The following IL1RAPL2 variants were observed in gnomAD, a reference collection of about 807,000 sequenced individuals.
The protein encoded by IL1RAPL2 is X-linked interleukin-1 receptor accessory protein-like 2.
Under a neutral mutation model 44.1 loss-of-function variants are expected in IL1RAPL2, and 3 were observed. That is an observed-to-expected ratio of 0.07 (90% CI 0.03 to 0.18). The LOEUF (loss-of-function observed/expected upper bound fraction) is 0.18, where lower values mean the gene tolerates loss of function less well. IL1RAPL2 is among the 10% of genes least tolerant of loss of function. The pLI is 1.00. For synonymous variants in IL1RAPL2, 181 were observed against 178.8 expected, an observed-to-expected ratio of 1.01 and a Z score of -0.10; for missense variants, 391 against 496.4, an observed-to-expected ratio of 0.79 and a Z score of 2.02.
intron 2 of IL1RAPL2, among the ~76,000 whole-genome samples, chrX:105,103,094 C>T (rs2032691371): frequency 9.0e-6 from 1 of 111,464 alleles, no homozygotes; most frequent in Admixed American, 9.5e-5. Context: ...GGAACAGTGC[C>T]CAGAATGAGG....
chrX:105,356,150 ATG>A (rs1158634841), intron 5 of IL1RAPL2, among the ~76,000 whole-genome samples: 1 of 100,085 alleles, frequency 1.0e-5, no homozygotes, highest in Non-Finnish European at 1.9e-5. Context: ...GTGTGTGTGT[ATG>A]TGTGTGTGTA....
chrX:105,181,235 G>A lies in IL1RAPL2; in HGVS notation c.83-14240G>A, dbSNP rs377562339. Among the ~76,000 whole-genome samples, 7 of 111,352 alleles carry A rather than the reference G, an allele frequency of 6.3e-5. 2 individuals are homozygous for A. Among genetic ancestry groups the A allele is most frequent in the Admixed American group, 2.9e-4 (3 of 10,521 alleles). On this transcript the variant is annotated intron_variant, in intron 2 of 10. Transcript: ENST00000372582. Reference sequence around the variant, plus strand: ...TCTCTTCTTGGTTAGTATAGCTAGTGGTTTATCAATTTTGTTTATCTTTTC... The same window carrying A: ...TCTCTTCTTGGTTAGTATAGCTAGTAGTTTATCAATTTTGTTTATCTTTTC...
In IL1RAPL2 at chrX:104,979,155, T is replaced by C. The variant is rs1171453038; in HGVS notation, c.83-216320T>C. The stretch of plus-strand genomic sequence containing the variant: ...GGAAGACAGGTCAAAGCAACAGTTT[T>C]TTCATTCTAGAAATAGACTCAAACA... On this transcript the variant is annotated intron_variant, in intron 2 of 10. Coordinates refer to ENST00000372582, the MANE Select transcript of IL1RAPL2 (RefSeq NM_017416.2). 1.7e-4 allele frequency among the ~76,000 whole-genome samples: 19 copies of C among 111,584 alleles called. No individual in the cohort carries two copies. In the Admixed American group the frequency reaches 1.8e-3, roughly 11 times the overall value.
chrX:105,136,317 C>T (rs2033076182), intron 2 of IL1RAPL2, among the ~76,000 whole-genome samples: 1 of 111,977 alleles, frequency 8.9e-6, no homozygotes, highest in South Asian at 3.7e-4. Flanking sequence ...TAGATTTTCT[C>T]TGGTATTAAT....
chrX:104,970,119 A>T (rs1288407316), intron 2 of IL1RAPL2, among the ~76,000 whole-genome samples: 1 of 111,445 alleles, frequency 9.0e-6, no homozygotes, highest in Non-Finnish European at 1.9e-5. Flanking sequence ...TATCTGTAAG[A>T]TATATAGAAC....
chrX:104,714,313 G>C (rs1437425250), intron 2 of IL1RAPL2, among the ~76,000 whole-genome samples: 1 of 111,049 alleles, frequency 9.0e-6, no homozygotes, highest in Admixed American at 9.5e-5. Context: ...TTGGCTCTGT[G>C]TCCCCACACA....
At chrX:105,138,564 C>T (rs1260921376) in intron 2 of IL1RAPL2, among the ~76,000 whole-genome samples, 1 of 107,873 alleles carries the variant, frequency 9.3e-6, no homozygotes, top group Non-Finnish European at 1.9e-5. Context: ...GAAGAAAGAA[C>T]TCCTTTGGGG....
At chrX:105,453,339 C>T (rs1251256468) in intron 5 of IL1RAPL2, among the ~76,000 whole-genome samples, 1 of 112,224 alleles carries the variant, frequency 8.9e-6, no homozygotes, top group African/African-American at 3.2e-5. Flanking sequence ...TGCAAGGCTA[C>T]ATTTGTCCAG....
intron 2 of IL1RAPL2, among the ~76,000 whole-genome samples, chrX:104,686,909 C>A (rs1437963436): frequency 8.9e-6 from 1 of 112,203 alleles, no homozygotes; most frequent in Non-Finnish European, 1.9e-5. Context: ...CTAACAACAG[C>A]TACAACTAAT....
intron 2 of IL1RAPL2, among the ~76,000 whole-genome samples, chrX:104,844,484 A>G (rs780663022): frequency 1.3e-4 from 14 of 111,570 alleles, no homozygotes; most frequent in Non-Finnish European, 2.3e-4. Flanking sequence ...AAAGAAATAT[A>G]GTAGGCAGTA....
Position 104,832,718 on chromosome X carries a change from G to GA in IL1RAPL2, c.82+173729dup, listed in dbSNP as rs1437368986. Among the ~76,000 whole-genome samples, 4 of 111,617 alleles carry GA rather than the reference G, an allele frequency of 3.6e-5. No homozygotes were observed. The East Asian group carries it at 8.5e-4, about 24-fold the overall frequency. ...AAGAATTTCTTCTTGAGGTTCACCA[G>GA]AAAAAAGGACAGTTTTCCCTTTCCT... On this transcript the variant is annotated intron_variant, in intron 2 of 10. Coordinates refer to ENST00000372582, the MANE Select transcript of IL1RAPL2 (RefSeq NM_017416.2).
intron 2 of IL1RAPL2, among the ~76,000 whole-genome samples, chrX:105,188,179 G>A (rs1265133376): frequency 2.7e-5 from 3 of 111,256 alleles, no homozygotes. Flanking sequence ...AGAAGAGAAA[G>A]TCAAGATTCA....
chrX:105,273,933 A>G (rs925105985), intron 5 of IL1RAPL2, among the ~76,000 whole-genome samples: 1 of 111,735 alleles, frequency 8.9e-6, no homozygotes, highest in African/African-American at 3.3e-5. Flanking sequence ...AGGTGAAATG[A>G]TGTACCCAAA....
At chrX:105,686,025 G>A (rs1455005745) in intron 6 of IL1RAPL2, among the ~76,000 whole-genome samples, 1 of 111,201 alleles carries the variant, frequency 9.0e-6, no homozygotes, top group East Asian at 2.8e-4. Context: ...TCACCACCAG[G>A]CCTGCCTTAC....
At chrX:105,503,606 C>T (rs1164983295) in intron 6 of IL1RAPL2, among the ~76,000 whole-genome samples, 1 of 111,710 alleles carries the variant, frequency 9.0e-6, no homozygotes, top group Non-Finnish European at 1.9e-5. Flanking sequence ...AACATACCCT[C>T]CCTTACCACA....
At chrX:104,821,878 C>T (rs1288940580) in intron 2 of IL1RAPL2, among the ~76,000 whole-genome samples, 1 of 111,928 alleles carries the variant, frequency 8.9e-6, no homozygotes, top group Non-Finnish European at 1.9e-5. Flanking sequence ...AAAAGCATTC[C>T]TATTTCTCCA....
intron 2 of IL1RAPL2, among the ~76,000 whole-genome samples, chrX:105,045,348 G>C (rs2031822821): frequency 9.0e-6 from 1 of 111,558 alleles, no homozygotes; most frequent in Non-Finnish European, 1.9e-5. Context: ...GAAGTCAGCA[G>C]GTACTACCTA....
chrX:105,155,648 A>T (rs1026539070), intron 2 of IL1RAPL2, among the ~76,000 whole-genome samples: 4 of 111,189 alleles, frequency 3.6e-5, no homozygotes, highest in Non-Finnish European at 7.5e-5. Context: ...GGGAGGAGAG[A>T]CTACAGAGAG....
At chrX:105,130,405 A>G (rs769038100) in intron 2 of IL1RAPL2, among the ~76,000 whole-genome samples, 19 of 111,474 alleles carry the variant, frequency 1.7e-4, no homozygotes, top group African/African-American at 5.8e-4. Context: ...TTCTGTACCA[A>G]TGCCTCTCAA....
Sources: allele counts gnomAD v4.1 joint callset (sites outside exome capture counted in the v4.1 genomes callset), GRCh38; gene constraint gnomAD v4.1.1; transcripts MANE v1.5; gene names NCBI Gene and HGNC (gene_info 2026-07-23, HGNC 2026-07-21).